SNHG17: variants seen among roughly 807,000 people sequenced by gnomAD.
SNHG17 encodes small nucleolar RNA host gene 17.
At chr20:38,431,935 G>A in intron 2 of SNHG17, 1 of 903,062 alleles carries the variant, frequency 1.1e-6, no homozygotes, top group Non-Finnish European at 1.3e-6. Flanking sequence ...TCACGCCCAG[G>A]GAACCTGCAT....
chr20:38,424,492 G>A (rs1377837461), intron 5 of SNHG17, among the ~76,000 whole-genome samples: 1 of 152,160 alleles, frequency 6.6e-6, no homozygotes, highest in Non-Finnish European at 1.5e-5. Flanking sequence ...CTTGTTCTAG[G>A]ACATTTTTAA....
intron 2 of SNHG17, chr20:38,434,013 G>C (rs1429552033): frequency 3.9e-6 from 2 of 518,600 alleles, no homozygotes; most frequent in Non-Finnish European, 7.7e-6. Context: ...AAAAGGGCAG[G>C]TGAGCCCACG....
At chr20:38,426,807 G>A (rs1323197220) in intron 3 of SNHG17, among the ~76,000 whole-genome samples, 2 of 150,726 alleles carry the variant, frequency 1.3e-5, no homozygotes, top group African/African-American at 2.4e-5. Context: ...TCAGAGGGTC[G>A]AGAGAACAGG....
chr20:38,433,229 G>T (rs1023138001), intron 2 of SNHG17, among the ~76,000 whole-genome samples: 9 of 152,208 alleles, frequency 5.9e-5, no homozygotes, highest in Non-Finnish European at 1.2e-4. Flanking sequence ...ACACTCCTTG[G>T]CCTCTCAGAG....
At chr20:38,433,472 T>C (rs1302219982) in intron 2 of SNHG17, among the ~76,000 whole-genome samples, 2 of 152,148 alleles carry the variant, frequency 1.3e-5, no homozygotes, top group Non-Finnish European at 2.9e-5. Flanking sequence ...AGCGAGACCC[T>C]GTCTGTCCCA....
exon 8 of SNHG17, chr20:38,420,689 G>A (rs1273126532): frequency 6.6e-6 from 1 of 152,218 alleles, no homozygotes; most frequent in East Asian, 1.9e-4. Context: ...TTCCAGGCAT[G>A]GACAGAGGGA....
At chr20:38,426,791 C>T (rs1004317628) in intron 3 of SNHG17, among the ~76,000 whole-genome samples, 2 of 150,734 alleles carry the variant, frequency 1.3e-5, no homozygotes, top group African/African-American at 4.9e-5. Flanking sequence ...GACACCAATG[C>T]ACACCTCAGA....
At chr20:38,421,902 G>A (rs925770027) in intron 6 of SNHG17, 1 of 152,230 alleles carries the variant, frequency 6.6e-6, no homozygotes, top group Non-Finnish European at 1.5e-5. Flanking sequence ...GACCCCAAAA[G>A]GAGTTAAGAC....
exon 6 of SNHG17, chr20:38,422,170 C>A (rs3752278): frequency 6.6e-6 from 1 of 152,220 alleles, no homozygotes. Flanking sequence ...CAGGACAGAA[C>A]GTGGAACCAC....
chr20:38,420,969 C>T (rs2084148436), intron 7 of SNHG17: 1 of 152,174 alleles, frequency 6.6e-6, no homozygotes, highest in East Asian at 1.9e-4. Context: ...CCAGCTGAGC[C>T]TCTGGCTGTG....
chr20:38,432,708 T>C (rs575598686), intron 2 of SNHG17, among the ~76,000 whole-genome samples: 1 of 152,324 alleles, frequency 6.6e-6, no homozygotes, highest in East Asian at 1.9e-4. Context: ...GTCTTTTTTG[T>C]TGTTGTTGTT....
chr20:38,430,863 C>T (rs1326293429), intron 3 of SNHG17: 1 of 152,294 alleles, frequency 6.6e-6, no homozygotes, highest in Non-Finnish European at 1.5e-5. Context: ...GGCAGCAGCC[C>T]CACGAAGGCA....
chr20:38,429,769 G>C, intron 3 of SNHG17: 1 of 517,786 alleles, frequency 1.9e-6, no homozygotes, highest in South Asian at 1.4e-5. Flanking sequence ...AATGACCAGG[G>C]CACGGGCAGC....
intron 2 of SNHG17, chr20:38,432,244 C>A: frequency 1.2e-6 from 1 of 836,266 alleles, no homozygotes; most frequent in Non-Finnish European, 1.4e-6. Flanking sequence ...AAGAGTTCAT[C>A]TAGAGAAGAA....
At chr20:38,427,404 C>T (rs2084268492) in intron 3 of SNHG17, 1 of 518,714 alleles carries the variant, frequency 1.9e-6, no homozygotes, top group Admixed American at 1.9e-5. Context: ...TATCAATGAC[C>T]TAGGCACAGG....
chr20:38,433,784 C>T (rs2084377548), intron 2 of SNHG17: 1 of 518,292 alleles, frequency 1.9e-6, no homozygotes, highest in African/African-American at 1.9e-5. Flanking sequence ...TCATGGAACC[C>T]TGCACTGAGC....
chr20:38,435,325 G>T, exon 1 of SNHG17: 1 of 1,231,272 alleles, frequency 8.1e-7, no homozygotes, highest in Non-Finnish European at 1.0e-6. Flanking sequence ...GACGGCGAAG[G>T]ACTGAGGCCA....
chr20:38,421,421 T>TGAA (rs1378597794), intron 6 of SNHG17: 1 of 152,232 alleles, frequency 6.6e-6, no homozygotes, highest in Non-Finnish European at 1.5e-5. Context: ...TCACATTTCA[T>TGAA]GAAGCAAAGC....
intron 5 of SNHG17, among the ~76,000 whole-genome samples, chr20:38,424,241 C>G (rs952334596): frequency 1.3e-5 from 2 of 151,686 alleles, no homozygotes; most frequent in African/African-American, 4.8e-5. Context: ...CAGGCCATGC[C>G]TGGCAGTGAT....
Sources: gnomAD v4.1 joint callset for allele counts (sites outside exome capture counted in the v4.1 genomes callset) on GRCh38, gnomAD v4.1.1 for gene constraint, MANE v1.5 for transcripts, NCBI Gene and HGNC (gene_info 2026-07-23, HGNC 2026-07-21) for gene names.